Variants in CAMTA1 observed in about 807,000 individuals in gnomAD.
CAMTA1 encodes calmodulin-binding transcription activator 1.
Under a neutral mutation model 170.9 loss-of-function variants are expected in CAMTA1, and 27 were observed. The ratio of observed to expected loss-of-function variants is 0.16; its 90% CI spans 0.12 to 0.22. CAMTA1 has a LOEUF of 0.22. Ranked by LOEUF, CAMTA1 falls within the 10% of genes least tolerant of loss-of-function variation. CAMTA1 has a pLI of 1.00. For synonymous variants in CAMTA1, 833 were observed against 891.5 expected (o/e 0.93, Z 1.17); for missense variants, 1,619 against 2,217.2 (o/e 0.73, Z 5.42).
At chr1:7,612,736 AG>A (rs1471384308) in intron 6 of CAMTA1, among the ~76,000 whole-genome samples, 2 of 152,258 alleles carry the variant, frequency 1.3e-5, no homozygotes, top group African/African-American at 2.4e-5. Context: ...TGGACCACTC[AG>A]AGACAGGGCT....
At chr1:7,692,349 C>G (rs1463898010) in intron 11 of CAMTA1, among the ~76,000 whole-genome samples, 1 of 152,072 alleles carries the variant, frequency 6.6e-6, no homozygotes, top group Non-Finnish European at 1.5e-5. Context: ...CTTCCTGGAG[C>G]TGCTCAGCCC....
chr1:7,379,504 C>T (rs936368491), intron 5 of CAMTA1, among the ~76,000 whole-genome samples: 3 of 152,034 alleles, frequency 2.0e-5, no homozygotes, highest in African/African-American at 4.8e-5. Context: ...TTCAGGGAGC[C>T]GGGAAAAAAC....
intron 6 of CAMTA1, among the ~76,000 whole-genome samples, chr1:7,581,720 G>A (rs558068223): frequency 2.7e-4 from 41 of 152,360 alleles, no homozygotes; most frequent in Non-Finnish European, 5.3e-4. Context: ...AGCTTTTGCG[G>A]TTCTGGCACT....
intron 4 of CAMTA1, among the ~76,000 whole-genome samples, chr1:7,229,165 A>G (rs960930182): frequency 1.3e-4 from 20 of 151,586 alleles, no homozygotes; most frequent in African/African-American, 4.6e-4. Flanking sequence ...GTGAGAGCAG[A>G]GGGGGCTGAG....
At chr1:6,832,943 A>C (rs1022087717) in intron 3 of CAMTA1, among the ~76,000 whole-genome samples, 5 of 152,166 alleles carry the variant, frequency 3.3e-5, no homozygotes, top group Non-Finnish European at 5.9e-5. Flanking sequence ...GCTAGTGTGA[A>C]GTGAGATACA....
In CAMTA1 at chr1:7,322,680, G is replaced by A. The variant is rs1347794319; in HGVS notation, c.438+73054G>A. 3.3e-5 allele frequency among the ~76,000 whole-genome samples: 5 copies of A among 152,220 alleles called. No homozygotes were observed. The East Asian group carries it at 9.6e-4, about 29-fold the overall frequency. On this transcript the variant is annotated intron_variant, in intron 5 of 22. Coordinates refer to ENST00000303635, the MANE Select transcript of CAMTA1 (RefSeq NM_015215.4). ...CCATTTCTCCTAAGTTTTCAAATGAGTTGGCATAAAGATGTTTATAACATT... is the reference window on the plus strand; with the variant it reads ...CCATTTCTCCTAAGTTTTCAAATGAATTGGCATAAAGATGTTTATAACATT...
chr1:6,793,986 A>C (rs1009099576), intron 1 of CAMTA1, among the ~76,000 whole-genome samples: 28 of 151,822 alleles, frequency 1.8e-4, no homozygotes, highest in African/African-American at 6.3e-4. Context: ...TGAAATTATC[A>C]GATAGAAAGA....
rs768494371 is a variant in CAMTA1 at position 7,664,470 on chromosome 1, C to T, written c.1923C>T (p.Thr641=). The T allele has an allele frequency of 3.1e-6, 5 of 1,613,250 alleles. No homozygotes were observed. The highest frequency in any genetic ancestry group is 3.4e-6 in the Non-Finnish European group (4 of 1,180,052). The part of the protein sequence containing the change: ...THSSLSDSGG[T]FVMPTVKTEA... The stretch of plus-strand genomic sequence containing the variant: ...GCAGCCTGAGTGACTCTGGGGGCAC[C>T]TTCGTGATGCCCACGGTGAAAACGG... The change falls in exon 9 of 23, where the codon ACC becomes ACT. Residue 641 remains threonine (T), a synonymous_variant. Coordinates refer to ENST00000303635, the MANE Select transcript of CAMTA1 (RefSeq NM_015215.4).
intron 7 of CAMTA1, among the ~76,000 whole-genome samples, chr1:7,644,586 T>TAAA (rs61699178): frequency 0.019 from 2,909 of 152,272 alleles, 73 homozygotes; most frequent in African/African-American, 0.066. Context: ...TGCCTTCTTT[T>TAAA]ACATGGTCCA....
chr1:7,663,927 G>A lies in CAMTA1; in HGVS notation c.1380G>A (p.Val460=). 6.2e-7 allele frequency: 1 copy of A among 1,613,856 alleles called. No homozygotes were observed. ...SESLSMLPTN[V]SEELVLSTTL... is the part of the protein sequence containing the mutation. The stretch of plus-strand genomic sequence containing the variant: ...GCCTGTCCATGCTGCCCACCAACGT[G>A]TCCGAAGAGCTGGTCCTCTCCACCA... Residue 460 remains valine, a synonymous_variant, in exon 9 of 23, where the codon GTG becomes GTA. Transcript: ENST00000303635.
At chr1:7,133,247 G>T (rs1645363607) in intron 4 of CAMTA1, among the ~76,000 whole-genome samples, 1 of 152,096 alleles carries the variant, frequency 6.6e-6, no homozygotes, top group Admixed American at 6.5e-5. Flanking sequence ...CTTTTTAACT[G>T]TACATTTAAT....
chr1:6,960,831 C>T (rs1160864582), intron 3 of CAMTA1, among the ~76,000 whole-genome samples: 3 of 152,194 alleles, frequency 2.0e-5, no homozygotes, highest in South Asian at 2.1e-4. Context: ...AAGCACAGAG[C>T]TCTTACTTTG....
chr1:7,163,542 T>C (rs1277650402), intron 4 of CAMTA1, among the ~76,000 whole-genome samples: 2 of 152,030 alleles, frequency 1.3e-5, no homozygotes, highest in Admixed American at 1.3e-4. Context: ...GGGGTTTTGA[T>C]GGAGGAAGCA....
intron 5 of CAMTA1, among the ~76,000 whole-genome samples, chr1:7,276,145 T>A (rs1339430843): frequency 6.8e-6 from 1 of 147,768 alleles, no homozygotes; most frequent in African/African-American, 2.5e-5. Flanking sequence ...CATATAATCA[T>A]CTCAACAGAT....
intron 5 of CAMTA1, among the ~76,000 whole-genome samples, chr1:7,398,185 C>CATATATA (rs2089532457): frequency 2.1e-5 from 1 of 46,542 alleles, no homozygotes; most frequent in African/African-American, 8.7e-5. Context: ...CTCTCTCTCT[C>CATATATA]TCTCTCTCTA....
intron 3 of CAMTA1, among the ~76,000 whole-genome samples, chr1:6,916,017 G>C (rs17495675): frequency 0.086 from 13,091 of 152,236 alleles, 994 homozygotes; most frequent in Admixed American, 0.25. Context: ...GTGGAGCCCT[G>C]AGTCTCCTGG....
At chr1:6,815,289 C>T (rs894476473) in intron 1 of CAMTA1, among the ~76,000 whole-genome samples, 1 of 151,818 alleles carries the variant, frequency 6.6e-6, no homozygotes, top group African/African-American at 2.4e-5. Flanking sequence ...ACTGCAACCT[C>T]GATCTCCCAG....
intron 11 of CAMTA1, among the ~76,000 whole-genome samples, chr1:7,727,257 GA>G (rs1222428343): frequency 6.6e-6 from 1 of 151,906 alleles, no homozygotes; most frequent in Non-Finnish European, 1.5e-5. Context: ...TGAGTAGCTG[GA>G]ACTACAGGCG....
chr1:7,197,678 A>ACT (rs57819326), intron 4 of CAMTA1, among the ~76,000 whole-genome samples: 13,517 of 138,998 alleles, frequency 0.097, 1,100 homozygotes, highest in East Asian at 0.13. Context: ...ACACACACAC[A>ACT]ATCTACTTGC....
Sources: gnomAD v4.1 joint callset for allele counts (sites outside exome capture counted in the v4.1 genomes callset) on GRCh38, gnomAD v4.1.1 for gene constraint, MANE v1.5 for transcripts, NCBI Gene and HGNC (gene_info 2026-07-23, HGNC 2026-07-21) for gene names.